AGBL4: variants seen among roughly 807,000 people sequenced by gnomAD.
The protein encoded by AGBL4 is AGBL carboxypeptidase 4.
In AGBL4, 58 loss-of-function variants were observed where a neutral mutation model predicts 66.4. The observed-to-expected ratio is 0.87, with a 90% CI of 0.71 to 1.09. AGBL4 has a LOEUF of 1.09. AGBL4 is among the 50% of genes least tolerant of loss of function. The pLI is 0.00. For missense variants in AGBL4, 579 were observed against 631.0 expected (o/e 0.92, Z 0.88); for synonymous variants, 234 against 222.9 (o/e 1.05, Z -0.44).
intron 1 of AGBL4, among the ~76,000 whole-genome samples, chr1:49,939,691 C>T (rs916324308): frequency 5.3e-5 from 8 of 152,120 alleles, no homozygotes; most frequent in African/African-American, 1.9e-4. Flanking sequence ...ACACCTTATA[C>T]AAAAATTAAT....
chr1:48,686,911 C>T (rs559697467), intron 6 of AGBL4, among the ~76,000 whole-genome samples: 19 of 152,314 alleles, frequency 1.2e-4, no homozygotes, highest in African/African-American at 3.4e-4. Context: ...GATTGGGGGT[C>T]GCCCTTTGCC....
intron 7 of AGBL4, among the ~76,000 whole-genome samples, chr1:48,656,071 C>T (rs1164035101): frequency 1.3e-5 from 2 of 152,160 alleles, no homozygotes; most frequent in Non-Finnish European, 2.9e-5. Context: ...GCCAGGTCCT[C>T]TTCTTCAAGC....
intron 4 of AGBL4, among the ~76,000 whole-genome samples, chr1:49,124,113 T>C (rs971205106): frequency 2.0e-5 from 3 of 152,220 alleles, no homozygotes; most frequent in African/African-American, 7.2e-5. Flanking sequence ...TGTATTTTTA[T>C]AATACACTTC....
intron 2 of AGBL4, among the ~76,000 whole-genome samples, chr1:49,748,285 G>C (rs769013984): frequency 1.3e-5 from 2 of 152,012 alleles, no homozygotes; most frequent in African/African-American, 2.4e-5. Flanking sequence ...TCCTGTGTTA[G>C]TTTGCTGAGA....
chr1:49,589,857 AC>A (rs1644720135), intron 3 of AGBL4, among the ~76,000 whole-genome samples: 1 of 151,866 alleles, frequency 6.6e-6, no homozygotes, highest in Non-Finnish European at 1.5e-5. Flanking sequence ...GAAAAACTTC[AC>A]CCTTCCTTAT....
chr1:48,773,291 G>A (rs1019551921), intron 6 of AGBL4, among the ~76,000 whole-genome samples: 3 of 152,092 alleles, frequency 2.0e-5, no homozygotes, highest in African/African-American at 7.2e-5. Flanking sequence ...CCAGTAGCAG[G>A]CTGGATTGCA....
chr1:49,892,079 C>T (rs751145620), intron 1 of AGBL4, among the ~76,000 whole-genome samples: 1 of 152,186 alleles, frequency 6.6e-6, no homozygotes. Flanking sequence ...ACACACACTG[C>T]AATCAGTGAA....
chr1:49,053,466 A>G (rs936357315), intron 4 of AGBL4, among the ~76,000 whole-genome samples: 1 of 152,098 alleles, frequency 6.6e-6, no homozygotes, highest in Non-Finnish European at 1.5e-5. Context: ...GTACCAGTCA[A>G]TTGTGCTGTG....
intron 4 of AGBL4, among the ~76,000 whole-genome samples, chr1:49,207,594 C>CTTTCTTTCT (rs1648329801): frequency 9.4e-6 from 1 of 106,124 alleles, no homozygotes; most frequent in African/African-American, 3.9e-5. Flanking sequence ...TTCTTTCTTT[C>CTTTCTTTCT]TTTCTTTCTT....
intron 6 of AGBL4, among the ~76,000 whole-genome samples, chr1:48,806,431 C>T (rs764494391): frequency 6.6e-6 from 1 of 152,172 alleles, no homozygotes; most frequent in Non-Finnish European, 1.5e-5. Context: ...TAGGCAGCTT[C>T]GACTTGAGGA....
intron 3 of AGBL4, among the ~76,000 whole-genome samples, chr1:49,346,851 G>A (rs1337325041): frequency 6.6e-6 from 1 of 152,170 alleles, no homozygotes; most frequent in Admixed American, 6.5e-5. Context: ...ATCTTGAATA[G>A]AAGCTGGGTA....
chr1:49,810,532 G>GA (rs1461378527), intron 2 of AGBL4, among the ~76,000 whole-genome samples: 1 of 152,156 alleles, frequency 6.6e-6, no homozygotes, highest in African/African-American at 2.4e-5. Context: ...GTGAAGACTT[G>GA]ATGTTAATAG....
chr1:49,785,201 C>T (rs998890015), intron 2 of AGBL4, among the ~76,000 whole-genome samples: 4 of 151,910 alleles, frequency 2.6e-5, no homozygotes, highest in Non-Finnish European at 5.9e-5. Flanking sequence ...ATAGACAGAA[C>T]CTGACCAAAG....
intron 3 of AGBL4, among the ~76,000 whole-genome samples, chr1:49,558,797 T>C (rs1424543774): frequency 6.6e-6 from 1 of 152,136 alleles, no homozygotes; most frequent in Non-Finnish European, 1.5e-5. Context: ...ATCAACAGTA[T>C]TCTGGCAGTA....
intron 4 of AGBL4, among the ~76,000 whole-genome samples, chr1:49,052,979 T>C (rs943569158): frequency 5.9e-5 from 9 of 152,178 alleles, no homozygotes; most frequent in Non-Finnish European, 1.0e-4. Context: ...TGGGCCTGGG[T>C]TTCCCAATCT....
At chr1:50,004,120 G>A (rs941504567) in intron 1 of AGBL4, among the ~76,000 whole-genome samples, 10 of 152,182 alleles carry the variant, frequency 6.6e-5, no homozygotes, top group African/African-American at 2.2e-4. Context: ...GAATCTTTGC[G>A]CACTTGAGGG....
chr1:48,950,591 G>A (rs767117453), intron 5 of AGBL4, among the ~76,000 whole-genome samples: 19 of 152,156 alleles, frequency 1.2e-4, no homozygotes, highest in Admixed American at 1.0e-3. Context: ...AATATTGTTT[G>A]AGAGTCTGAT....
chr1:49,924,993 A>G (rs946845581), intron 1 of AGBL4, among the ~76,000 whole-genome samples: 1 of 152,200 alleles, frequency 6.6e-6, no homozygotes, highest in Non-Finnish European at 1.5e-5. Context: ...GTGCTGGGCT[A>G]AGAGCCAGTA....
chr1:49,726,272 T>A (rs1015950144), intron 2 of AGBL4, among the ~76,000 whole-genome samples: 3 of 152,172 alleles, frequency 2.0e-5, no homozygotes, highest in Admixed American at 6.6e-5. Context: ...GTGGCATTTT[T>A]AAGGTGTGGC....
Sources: allele counts gnomAD v4.1 joint callset (sites outside exome capture counted in the v4.1 genomes callset), GRCh38; gene constraint gnomAD v4.1.1; transcripts MANE v1.5; gene names NCBI Gene and HGNC (gene_info 2026-07-23, HGNC 2026-07-21).